The following GLIS3 variants were observed in gnomAD, a reference collection of about 807,000 sequenced individuals.
GLIS3 encodes the protein zinc finger protein GLIS3.
A neutral mutation model predicts 78.6 loss-of-function variants in GLIS3; 53 were observed. The observed-to-expected ratio is 0.67, with a 90% CI of 0.54 to 0.85. GLIS3 has a LOEUF of 0.85. Ranked by LOEUF, GLIS3 falls within the 40% of genes least tolerant of loss-of-function variation. The pLI is 0.00. For synonymous variants in GLIS3, 684 were observed against 509.9 expected (o/e 1.34, Z -4.60); for missense variants, 1,703 against 1,231.1 (o/e 1.38, Z -5.74).
intron 2 of GLIS3, among the ~76,000 whole-genome samples, chr9:4,268,146 C>G (rs995016235): frequency 1.3e-5 from 2 of 152,168 alleles, no homozygotes; most frequent in Admixed American, 1.3e-4. Context: ...CAAATCCTGA[C>G]TCTGCCACTT....
chr9:4,362,823 A>G, the GLIS3 span, among the ~76,000 whole-genome samples: 1 of 152,194 alleles, frequency 6.6e-6, no homozygotes, highest in Non-Finnish European at 1.5e-5. Context: ...GAACCCTGCT[A>G]TCATGTTGGA....
chr9:4,320,171 G>GT (rs1421025479), intron 2 of GLIS3, among the ~76,000 whole-genome samples: 4 of 152,200 alleles, frequency 2.6e-5, no homozygotes, highest in Admixed American at 1.3e-4. Context: ...GACATGTCAT[G>GT]TTTTTTATAG....
At chr9:4,073,597 T>C (rs1827799345) in intron 4 of GLIS3, among the ~76,000 whole-genome samples, 2 of 152,110 alleles carry the variant, frequency 1.3e-5, no homozygotes, top group African/African-American at 2.4e-5. Context: ...TTGCCCCTGC[T>C]GGTGGTTCAT....
intron 4 of GLIS3, among the ~76,000 whole-genome samples, chr9:4,067,073 T>C (rs943356536): frequency 1.3e-5 from 2 of 152,206 alleles, no homozygotes; most frequent in African/African-American, 2.4e-5. Flanking sequence ...TCCAAATTCC[T>C]AGTTCCTTCC....
rs1823033557 is a variant in GLIS3 at position 3,898,477 on chromosome 9, T to C, written c.2128+214A>G. ...AGAAGTCCATAACTAAAAGAGGTAA[T>C]GCATTATTTTATTTTATTTCTTTAT... is the stretch of plus-strand genomic sequence containing the variant. On this transcript the variant is annotated intron_variant, in intron 7 of 10. Coordinates refer to ENST00000381971, the MANE Select transcript of GLIS3 (RefSeq NM_001042413.2). 6.4e-6 allele frequency: 4 copies of C among 624,200 alleles called. No homozygotes were observed. The Admixed American group carries it at 9.6e-5, about 15-fold the overall frequency. The allele number at this position is 624,200 out of a possible 1,614,324, so 38.7% of individuals were successfully genotyped here.
At chr9:4,126,013 G>A (rs1343679020) in intron 2 of GLIS3, 72 bp from the exon 3 acceptor site, 14 of 1,152,634 alleles carry the variant, frequency 1.2e-5, no homozygotes, top group South Asian at 6.3e-5. Context: ...ACATGTGCAC[G>A]CTTATATCAG....
chr9:3,926,602 T>A (rs145529936), intron 6 of GLIS3, among the ~76,000 whole-genome samples: 2 of 151,638 alleles, frequency 1.3e-5, no homozygotes, highest in African/African-American at 4.8e-5. Flanking sequence ...CTTTTCTTTC[T>A]CTCTCCTTCC....
In GLIS3 at chr9:3,977,077, T is replaced by C. The variant is rs949546318; in HGVS notation, c.1711-39888A>G. Among the ~76,000 whole-genome samples, 2 of 152,122 alleles carry C rather than the reference T, an allele frequency of 1.3e-5. No homozygotes were observed. Among genetic ancestry groups the C allele is most frequent in the African/African-American group, 4.8e-5 (2 of 41,420 alleles). On this transcript the variant is annotated intron_variant, in intron 4 of 10. Coordinates refer to ENST00000381971, the MANE Select transcript of GLIS3 (RefSeq NM_001042413.2). This position sits in a 1 kb window ranked among gnomAD's most constrained non-coding sequence, Gnocchi z 4.1. ...TTCTCCTACTCTGAGGTTTATGCAG[T>C]TTGTTCAGCAGGCTCTGAACTGCAT... is the stretch of plus-strand genomic sequence containing the variant.
At chr9:4,242,230 T>C (rs1434365063) in intron 2 of GLIS3, among the ~76,000 whole-genome samples, 1 of 152,130 alleles carries the variant, frequency 6.6e-6, no homozygotes, top group African/African-American at 2.4e-5. Context: ...CTACCATTTA[T>C]GGTTCCCCAC....
intron 2 of GLIS3, among the ~76,000 whole-genome samples, chr9:4,236,207 A>AAAGAAT (rs1822734986): frequency 7.6e-6 from 1 of 130,914 alleles, no homozygotes; most frequent in Admixed American, 7.9e-5. Flanking sequence ...AAAAAAAAAA[A>AAAGAAT]GAAAGAAAGA....
intron 4 of GLIS3, among the ~76,000 whole-genome samples, chr9:4,055,555 C>T (rs1826076049): frequency 6.6e-6 from 1 of 152,164 alleles, no homozygotes; most frequent in African/African-American, 2.4e-5. Context: ...GACATCAAAC[C>T]TCCTCAGAAG....
At chr9:4,407,294 A>G in the GLIS3 span, among the ~76,000 whole-genome samples, 283 of 152,356 alleles carry the variant, frequency 1.9e-3, no homozygotes, top group African/African-American at 6.2e-3. Flanking sequence ...AAATCAAATC[A>G]AAATAAATTA....
At chr9:4,201,429 A>G (rs778155008) in intron 2 of GLIS3, among the ~76,000 whole-genome samples, 14 of 152,216 alleles carry the variant, frequency 9.2e-5, no homozygotes, top group Non-Finnish European at 1.9e-4. Flanking sequence ...CTATACCTAG[A>G]AAACTCTAAA....
chr9:3,824,158 T>C lies in GLIS3; in HGVS notation c.*4114A>G, dbSNP rs528898545. The C allele has an allele frequency of 6.6e-6, 1 of 152,654 alleles. No individual in the cohort carries two copies. Among genetic ancestry groups the C allele is most frequent in the African/African-American group, 2.4e-5 (1 of 41,456 alleles). The allele number at this position is 152,654 out of a possible 1,614,324, so 9.5% of individuals were successfully genotyped here. ...GTATAAAAGCTTTAATTAAATCTGATGAAATAAAACTTCATGTTTTATTTA... is the reference window on the plus strand; with the variant it reads ...GTATAAAAGCTTTAATTAAATCTGACGAAATAAAACTTCATGTTTTATTTA... On this transcript the variant is annotated 3_prime_UTR_variant, in exon 11 of 11. Coordinates refer to ENST00000381971, the MANE Select transcript of GLIS3 (RefSeq NM_001042413.2).
At chr9:3,951,880 A>ACACACACGCACG (rs1554654422) in intron 4 of GLIS3, among the ~76,000 whole-genome samples, 1 of 150,218 alleles carries the variant, frequency 6.7e-6, no homozygotes, top group East Asian at 1.9e-4. Flanking sequence ...ACACACACAC[A>ACACACACGCACG]CACACGCACG....
Position 3,827,283 on chromosome 9 carries a change from A to G in GLIS3, c.*989T>C, listed in dbSNP as rs1817773199. The stretch of plus-strand genomic sequence containing the variant: ...GTTTGGTTTTCCAAGGGAAGCTGGC[A>G]CATGACTCAGTCTGTCCCAGTTCTC... On this transcript the variant is annotated 3_prime_UTR_variant, in exon 11 of 11. Coordinates refer to ENST00000381971, the MANE Select transcript of GLIS3 (RefSeq NM_001042413.2). 6.6e-6 allele frequency: 1 copy of G among 152,262 alleles called. No individual in the cohort carries two copies. The highest frequency in any genetic ancestry group is 2.4e-5 in the African/African-American group (1 of 41,470). 9.4% of individuals were successfully genotyped at this position (152,262 alleles called of 1,614,324 possible). A position where few individuals can be genotyped will look rare whatever the true frequency, so the allele number is the denominator to read the frequency against.
intron 2 of GLIS3, among the ~76,000 whole-genome samples, chr9:4,234,113 T>C (rs1451909186): frequency 1.3e-5 from 2 of 149,010 alleles, no homozygotes; most frequent in Non-Finnish European, 3.0e-5. Context: ...CCACTCAAAC[T>C]TTCTCCGTAT....
At chr9:4,270,400 C>G (rs989955303) in intron 2 of GLIS3, among the ~76,000 whole-genome samples, 25 of 152,196 alleles carry the variant, frequency 1.6e-4, no homozygotes, top group African/African-American at 5.1e-4. Flanking sequence ...GGTCAGCAAT[C>G]TGAGCATGGC....
chr9:3,999,480 T>C (rs1435195798), intron 4 of GLIS3, among the ~76,000 whole-genome samples: 1 of 152,122 alleles, frequency 6.6e-6, no homozygotes, highest in East Asian at 1.9e-4. Flanking sequence ...TAATATTTAA[T>C]TTTTAAAAGT....
Sources: allele counts gnomAD v4.1 joint callset (sites outside exome capture counted in the v4.1 genomes callset), GRCh38; gene constraint gnomAD v4.1.1; non-coding constraint Gnocchi (gnomAD v3.1); transcripts MANE v1.5; gene names NCBI Gene and HGNC (gene_info 2026-07-23, HGNC 2026-07-21).